Variants in MCC observed in about 807,000 individuals in gnomAD.
The protein encoded by MCC is MCC regulator of Wnt signaling pathway.
A neutral mutation model predicts 116.2 loss-of-function variants in MCC; 90 were observed. That is an observed-to-expected ratio of 0.77 (90% confidence interval 0.65 to 0.92). The LOEUF is 0.92. Among genes scored for constraint, MCC ranks in the 40% least tolerant of loss-of-function variants. MCC has a pLI of 0.00. For missense variants in MCC, 1,516 were observed against 1,312.2 expected, an observed-to-expected ratio of 1.16 and a Z score of -2.40; for synonymous variants, 578 against 510.5, an observed-to-expected ratio of 1.13 and a Z score of -1.78.
At chr5:113,242,002 C>T (rs1189633880) in intron 3 of MCC, among the ~76,000 whole-genome samples, 1 of 152,136 alleles carries the variant, frequency 6.6e-6, no homozygotes, top group Non-Finnish European at 1.5e-5. Context: ...AGAGAACGAC[C>T]AAATCAAACA....
intron 4 of MCC, among the ~76,000 whole-genome samples, chr5:113,149,167 G>A (rs1271986182): frequency 2.0e-5 from 3 of 151,768 alleles, no homozygotes; most frequent in Admixed American, 2.0e-4. Flanking sequence ...GGCTTTGGGT[G>A]GGTATAAATT....
intron 3 of MCC, among the ~76,000 whole-genome samples, chr5:113,267,261 A>C (rs144900204): frequency 5.3e-4 from 80 of 152,256 alleles, no homozygotes; most frequent in Non-Finnish European, 9.9e-4. Context: ...TGGCACACCA[A>C]AAGTGACTTC....
Position 113,023,051 on chromosome 5 carries a change from T to C in MCC, c.*4251A>G, listed in dbSNP as rs916183231. Reference sequence around the variant, plus strand: ...GCTGCTATCAACTTGTATACTTTTTTTCCACTTGTTTATATTTTAACAGCC... The same window carrying C: ...GCTGCTATCAACTTGTATACTTTTTCTCCACTTGTTTATATTTTAACAGCC... On this transcript the variant is annotated 3_prime_UTR_variant, in exon 19 of 19. Transcript: ENST00000408903. 2 of 152,252 alleles carry C rather than the reference T, an allele frequency of 1.3e-5. No homozygotes were observed. Among genetic ancestry groups the C allele is most frequent in the African/African-American group, 4.8e-5 (2 of 41,464 alleles). The allele number at this position is 152,252 out of a possible 1,614,324, so 9.4% of individuals were successfully genotyped here.
intron 1 of MCC, among the ~76,000 whole-genome samples, chr5:113,483,478 A>G (rs540276537): frequency 6.6e-6 from 1 of 152,336 alleles, no homozygotes; most frequent in African/African-American, 2.4e-5. Flanking sequence ...CACTGGGAAA[A>G]TAGAAATAAT....
intron 1 of MCC, among the ~76,000 whole-genome samples, chr5:113,418,259 G>C (rs1213981707): frequency 1.3e-5 from 2 of 148,986 alleles, no homozygotes; most frequent in Non-Finnish European, 3.0e-5. Flanking sequence ...AAACTTAAAA[G>C]TATAATAATA....
intron 8 of MCC, among the ~76,000 whole-genome samples, chr5:113,099,040 G>GGTGA (rs1364871004): frequency 6.6e-6 from 1 of 151,836 alleles, no homozygotes; most frequent in Non-Finnish European, 1.5e-5. Flanking sequence ...TAGGTGGGTG[G>GGTGA]GTGAGTGACG....
intron 1 of MCC, among the ~76,000 whole-genome samples, chr5:113,485,227 C>T (rs1772486046): frequency 6.6e-6 from 1 of 152,144 alleles, no homozygotes. Context: ...TATCCTTCCC[C>T]CACACTTAAG....
chr5:113,216,957 C>T (rs1171383937), intron 3 of MCC, among the ~76,000 whole-genome samples: 1 of 152,204 alleles, frequency 6.6e-6, no homozygotes, highest in Non-Finnish European at 1.5e-5. Context: ...CTTTGTCAAG[C>T]AATTTTGGTG....
intron 3 of MCC, among the ~76,000 whole-genome samples, chr5:113,207,315 A>C (rs1386003695): frequency 6.6e-6 from 1 of 152,182 alleles, no homozygotes; most frequent in Non-Finnish European, 1.5e-5. Context: ...CAGAGGAAAG[A>C]TGTTTAGCAC....
intron 3 of MCC, among the ~76,000 whole-genome samples, chr5:113,225,135 T>C (rs893457878): frequency 6.6e-6 from 1 of 152,258 alleles, no homozygotes; most frequent in Non-Finnish European, 1.5e-5. Flanking sequence ...ACCTCTGAGC[T>C]GAGCACTTCC....
chr5:113,087,210 A>C (rs541199790), intron 8 of MCC, among the ~76,000 whole-genome samples: 1 of 152,238 alleles, frequency 6.6e-6, no homozygotes, highest in Non-Finnish European at 1.5e-5. Context: ...AAAGTAATTG[A>C]AATTTCAATA....
intron 6 of MCC, chr5:113,104,702 C>G (rs1316313844): frequency 5.4e-6 from 1 of 186,048 alleles, no homozygotes; most frequent in Non-Finnish European, 1.1e-5. Flanking sequence ...CAGACAAGCA[C>G]TAACTGCAGA....
chr5:113,206,488 G>T (rs1268701437), intron 3 of MCC, among the ~76,000 whole-genome samples: 4 of 152,142 alleles, frequency 2.6e-5, no homozygotes, highest in Admixed American at 2.6e-4. Flanking sequence ...GCTGAGGCAG[G>T]CCTCCCACTT....
Position 113,077,948 on chromosome 5 carries a change from C to T in MCC, c.1784+4912G>A, listed in dbSNP as rs6866208. 1.2e-3 allele frequency among the ~76,000 whole-genome samples: 187 copies of T among 152,004 alleles called. 2 individuals are homozygous for T. The highest frequency in any genetic ancestry group is 4.1e-3 in the African/African-American group (171 of 41,428). Reference sequence around the variant, plus strand: ...GAAGAAAAGAGATGAATCAAATAGACGCAATAAAAAATAATAAAGGGGATA... The same window carrying T: ...GAAGAAAAGAGATGAATCAAATAGATGCAATAAAAAATAATAAAGGGGATA... On this transcript the variant is annotated intron_variant, in intron 11 of 18. Coordinates refer to ENST00000408903, the MANE Select transcript of MCC (RefSeq NM_001085377.2).
intron 2 of MCC, among the ~76,000 whole-genome samples, chr5:113,380,312 T>C (rs1268779865): frequency 6.6e-6 from 1 of 152,234 alleles, no homozygotes; most frequent in African/African-American, 2.4e-5. Context: ...TTAGCTCCTC[T>C]TACAGAGCAG....
rs573790534 is a variant in MCC, at chr5:113,488,428, A to C, written c.-14T>G. 2 of 1,401,230 alleles carry C rather than the reference A, an allele frequency of 1.4e-6. No individual in the cohort carries two copies. 86.8% of individuals were successfully genotyped at this position (1,401,230 alleles called of 1,614,324 possible). On this transcript the variant is annotated 5_prime_UTR_variant, in exon 1 of 19. Transcript: ENST00000408903. ...GGCCGCCATCATGCGCCCGCTCCCT[A>C]CTTGGGAGGAGGAGTACGCGCGACC...
intron 2 of MCC, among the ~76,000 whole-genome samples, chr5:113,358,517 C>A (rs529188070): frequency 7.5e-4 from 114 of 152,138 alleles, no homozygotes; most frequent in Non-Finnish European, 1.4e-3. Flanking sequence ...GATCCTGAGA[C>A]CTGTATTAAC....
In MCC at chr5:113,183,950, G is replaced by A. The variant is rs566898541; in HGVS notation, c.628-32528C>T. ...ATTCCCCATGCAATTTTTCGGTTGT[G>A]CAAACTGAAGCCCAAAGAGCTTAGA... On this transcript the variant is annotated intron_variant, in intron 3 of 18. Coordinates refer to ENST00000408903, the MANE Select transcript of MCC (RefSeq NM_001085377.2). Among the ~76,000 whole-genome samples, 167 of 150,150 alleles carry A rather than the reference G, an allele frequency of 1.1e-3. 1 individual carries two copies. Among genetic ancestry groups the A allele is most frequent in the African/African-American group, 4.0e-3 (163 of 40,848 alleles).
At position 113,440,846 on chromosome 5, in the gene MCC, AC is replaced by A. The variant is rs199746578; in HGVS notation, c.170+47398del. The stretch of plus-strand genomic sequence containing the variant: ...CAGAAGTTTAACAATGCATATAATT[AC>A]TATGGCTGATAATGAAAGATCCACC... On this transcript the variant is annotated intron_variant, in intron 1 of 18. Transcript: ENST00000408903. Among the ~76,000 whole-genome samples the A allele has an allele frequency of 2.2e-3, 342 of 152,374 alleles. 2 individuals are homozygous for A. The highest frequency in any genetic ancestry group is 7.8e-3 in the African/African-American group (324 of 41,594).
Sources: allele counts gnomAD v4.1 joint callset (sites outside exome capture counted in the v4.1 genomes callset), GRCh38; gene constraint gnomAD v4.1.1; transcripts MANE v1.5; gene names NCBI Gene and HGNC (gene_info 2026-07-23, HGNC 2026-07-21).